The following PTPDC1 variants were observed in gnomAD, a reference collection of about 807,000 sequenced individuals.
The protein encoded by PTPDC1 is protein tyrosine phosphatase domain-containing protein 1.
In PTPDC1, 53 loss-of-function variants were observed where a neutral mutation model predicts 75.3. The ratio of observed to expected loss-of-function variants is 0.70; its 90% CI spans 0.56 to 0.88. PTPDC1 has a LOEUF of 0.88. PTPDC1 is among the 40% of genes least tolerant of loss of function. The probability of loss-of-function intolerance (pLI) is 0.00; values close to 1 mark genes in which losing one functional copy is unlikely to be tolerated. For missense variants in PTPDC1, 925 were observed against 998.6 expected (o/e 0.93, Z 0.99); for synonymous variants, 349 against 366.2 (o/e 0.95, Z 0.54).
In PTPDC1 at chr9:94,108,937, G is replaced by A. The variant is rs1035556831; in HGVS notation, c.*993G>A. Reference sequence around the variant, plus strand: ...TCAAAACTGGGCCACTGTTTGTACTGATGGTGTATTAGCATGAGCAGCGTG... The same window carrying A: ...TCAAAACTGGGCCACTGTTTGTACTAATGGTGTATTAGCATGAGCAGCGTG... On this transcript the variant is annotated 3_prime_UTR_variant, in exon 9 of 9. Transcript: ENST00000620992. The A allele has an allele frequency of 1.3e-5, 2 of 152,366 alleles. No homozygotes were observed. Among genetic ancestry groups the A allele is most frequent in the Non-Finnish European group, 2.9e-5 (2 of 68,160 alleles). The allele number at this position is 152,366 out of a possible 1,614,324, so 9.4% of individuals were successfully genotyped here. A position where few individuals can be genotyped will look rare whatever the true frequency, so the allele number is the denominator to read the frequency against.
At chr9:94,091,653 G>A (rs1001828604) in intron 4 of PTPDC1, among the ~76,000 whole-genome samples, 7 of 152,178 alleles carry the variant, frequency 4.6e-5, no homozygotes, top group Non-Finnish European at 7.3e-5. Flanking sequence ...GTTTCAGAAG[G>A]AATGGTACCA....
At chr9:94,100,016 A>G (rs374338391) in intron 6 of PTPDC1, 1 of 152,256 alleles carries the variant, frequency 6.6e-6, no homozygotes, top group Admixed American at 6.5e-5. Flanking sequence ...TTTGAATAGT[A>G]TAATGCCACC....
chr9:94,095,021 C>G (rs1827501438), intron 4 of PTPDC1, among the ~76,000 whole-genome samples: 1 of 152,242 alleles, frequency 6.6e-6, no homozygotes, highest in Admixed American at 6.5e-5. Context: ...GATGGAAATG[C>G]AGAAATCACC....
chr9:94,108,400 C>T lies in PTPDC1; in HGVS notation c.*456C>T, dbSNP rs1020125005. 1.3e-5 allele frequency: 2 copies of T among 152,674 alleles called. No homozygotes were observed. Among genetic ancestry groups the T allele is most frequent in the Non-Finnish European group, 2.9e-5 (2 of 68,074 alleles). 9.5% of individuals were successfully genotyped at this position (152,674 alleles called of 1,614,324 possible). ...ATGAACTAAGAAAGTCACCAAGTGT[C>T]TTAAGCTGTTTTATATTTGTTACGA... On this transcript the variant is annotated 3_prime_UTR_variant, in exon 9 of 9. Transcript: ENST00000620992.
At chr9:94,056,100 C>T (rs1825925539) in intron 1 of PTPDC1, among the ~76,000 whole-genome samples, 1 of 152,080 alleles carries the variant, frequency 6.6e-6, no homozygotes, top group African/African-American at 2.4e-5. Flanking sequence ...CAAAACTGCT[C>T]TAAAAAACAA....
chr9:94,106,577 GTCTGTC>G (rs1375675913), intron 8 of PTPDC1, among the ~76,000 whole-genome samples: 1 of 152,118 alleles, frequency 6.6e-6, no homozygotes, highest in African/African-American at 2.4e-5. Flanking sequence ...AATAAAAGTT[GTCTGTC>G]TCTGACCCAG....
Position 94,085,414 on chromosome 9 carries a change from C to T in PTPDC1, c.408C>T (p.Tyr136=). The T allele has an allele frequency of 6.2e-7, 1 of 1,614,074 alleles. No individual in the cohort carries two copies. Among genetic ancestry groups the T allele is most frequent in the Non-Finnish European group, 8.5e-7 (1 of 1,179,976 alleles). The change falls in exon 2 of 9, where the codon TAC becomes TAT. Residue 136 remains tyrosine, a synonymous_variant. Coordinates refer to ENST00000620992, the MANE Select transcript of PTPDC1 (RefSeq NM_001253829.2). ...AGGAGCAAGCCATTAAGGGGGTTTA[C>T]TCATCCTGGTGAGTGATCCTGTTGG... The part of the protein sequence containing the change: ...SEQEQAIKGV[Y]SSWVTDNILA...
intron 4 of PTPDC1, among the ~76,000 whole-genome samples, chr9:94,095,044 C>G (rs1200240780): frequency 6.6e-6 from 1 of 152,256 alleles, no homozygotes; most frequent in Admixed American, 6.5e-5. Flanking sequence ...TCTTCTGCGT[C>G]GCTCACGCTG....
intron 1 of PTPDC1, among the ~76,000 whole-genome samples, chr9:94,034,785 A>G (rs1320483716): frequency 3.3e-5 from 5 of 152,286 alleles, no homozygotes; most frequent in African/African-American, 7.2e-5. Context: ...TGTGCCCCCA[A>G]TAATCTTTCT....
rs541493365 is a variant in PTPDC1, at chr9:94,107,255, G to T, written c.2311-573G>T. ...AGGCATGAGCCACCACACCCAGCCAGTTGAGGTTTGTATATATGTGCCAAA... is the reference window on the plus strand; with the variant it reads ...AGGCATGAGCCACCACACCCAGCCATTTGAGGTTTGTATATATGTGCCAAA... On this transcript the variant is annotated intron_variant, in intron 8 of 8. Coordinates refer to ENST00000620992, the MANE Select transcript of PTPDC1 (RefSeq NM_001253829.2). 1.4e-3 allele frequency among the ~76,000 whole-genome samples: 220 copies of T among 152,308 alleles called. 1 individual carries two copies. Among genetic ancestry groups the T allele is most frequent in the Middle Eastern group, 3.4e-3 (1 of 294 alleles).
At chr9:94,096,645 G>A (rs1014366489) in intron 5 of PTPDC1, among the ~76,000 whole-genome samples, 2 of 151,934 alleles carry the variant, frequency 1.3e-5, no homozygotes, top group Non-Finnish European at 2.9e-5. Flanking sequence ...CACTAAGCCT[G>A]GCTTCCTTAA....
intron 4 of PTPDC1, among the ~76,000 whole-genome samples, chr9:94,093,224 G>A (rs923564248): frequency 4.6e-5 from 7 of 151,428 alleles, no homozygotes; most frequent in South Asian, 4.2e-4. Flanking sequence ...GGCTGGTACC[G>A]GTTGTTCCTT....
chr9:94,071,906 A>C (rs769166164), intron 2 of PTPDC1, among the ~76,000 whole-genome samples: 38 of 152,098 alleles, frequency 2.5e-4, no homozygotes, highest in Non-Finnish European at 4.4e-4. Flanking sequence ...GATTTATTTC[A>C]TCAGAATTTT....
At chr9:94,050,028 TG>T (rs1230025779) in intron 1 of PTPDC1, among the ~76,000 whole-genome samples, 150 of 152,340 alleles carry the variant, frequency 9.8e-4, no homozygotes, top group African/African-American at 2.8e-3. Context: ...CTTGTGCATT[TG>T]TCATGTAGTT....
At chr9:94,089,399 G>T (rs1406979058) in intron 4 of PTPDC1, among the ~76,000 whole-genome samples, 3 of 144,198 alleles carry the variant, frequency 2.1e-5, no homozygotes, top group Non-Finnish European at 3.0e-5. Context: ...CCCTACAAAG[G>T]ACATGAACTC....
At chr9:94,096,550 TATTA>T (rs1000782460) in intron 5 of PTPDC1, among the ~76,000 whole-genome samples, 9 of 152,208 alleles carry the variant, frequency 5.9e-5, no homozygotes, top group South Asian at 2.1e-4. Flanking sequence ...TGAATTAATT[TATTA>T]ATTATTACCT....
At chr9:94,038,063 G>T in intron 1 of PTPDC1, 2 of 514,230 alleles carry the variant, frequency 3.9e-6, no homozygotes, top group Admixed American at 2.3e-5. Context: ...GAAGATTTTT[G>T]TTCAGAAGTG....
At chr9:94,039,124 T>C (rs1825356262) in intron 1 of PTPDC1, among the ~76,000 whole-genome samples, 1 of 152,196 alleles carries the variant, frequency 6.6e-6, no homozygotes, top group African/African-American at 2.4e-5. Context: ...AATGGTGCTT[T>C]GGCCAACTTA....
chr9:94,042,465 A>G (rs1007145419), intron 1 of PTPDC1, among the ~76,000 whole-genome samples: 9 of 152,182 alleles, frequency 5.9e-5, no homozygotes, highest in African/African-American at 1.7e-4. Context: ...TATAATAGTT[A>G]TGTTTTCACT....
Sources: allele counts gnomAD v4.1 joint callset (sites outside exome capture counted in the v4.1 genomes callset), GRCh38; gene constraint gnomAD v4.1.1; transcripts MANE v1.5; gene names NCBI Gene and HGNC (gene_info 2026-07-23, HGNC 2026-07-21).